The following REPS2 variants were observed in gnomAD, a reference collection of about 807,000 sequenced individuals.
The protein encoded by REPS2 is ralBP1-associated Eps domain-containing protein 2.
REPS2 carries 23 observed loss-of-function variants against 53.6 expected under a neutral mutation model. The ratio of observed to expected loss-of-function variants is 0.43; its 90% confidence interval spans 0.31 to 0.61. REPS2 has a LOEUF of 0.61. REPS2 is among the 20% of genes least tolerant of loss of function. The pLI is 0.11. For synonymous variants in REPS2, 238 were observed against 218.6 expected (o/e 1.09, Z -0.78); for missense variants, 446 against 534.9 (o/e 0.83, Z 1.64).
At position 17,042,009 on chromosome X, in the gene REPS2, C is replaced by G. The variant is rs770994885; in HGVS notation, c.772-5338C>G. 3.4e-3 allele frequency among the ~76,000 whole-genome samples: 378 copies of G among 111,877 alleles called. 1 individual carries two copies. Among genetic ancestry groups the G allele is most frequent in the African/African-American group, 0.012 (363 of 30,794 alleles). ...TCCCCAGAGATAATAACTTGCCATG[C>G]CAAATATTTGCATTTCACTTGAAAC... On this transcript the variant is annotated intron_variant, in intron 5 of 17. Transcript: ENST00000357277.
At chrX:17,007,211 C>T (rs1485099063) in intron 2 of REPS2, among the ~76,000 whole-genome samples, 1 of 112,084 alleles carries the variant, frequency 8.9e-6, no homozygotes, top group Non-Finnish European at 1.9e-5. Context: ...ATGGAAACCT[C>T]GTAGGACAAT....
intron 1 of REPS2, among the ~76,000 whole-genome samples, chrX:16,960,811 G>A (rs919965087): frequency 3.6e-5 from 4 of 111,815 alleles, no homozygotes; most frequent in East Asian, 2.8e-4. Context: ...CAAAATCAGC[G>A]TACAAAAATC....
At chrX:17,010,862 G>C (rs756286200) in intron 2 of REPS2, among the ~76,000 whole-genome samples, 1 of 111,508 alleles carries the variant, frequency 9.0e-6, no homozygotes, top group South Asian at 3.8e-4. Context: ...GTCGGCACTT[G>C]AGAACCACCT....
At chrX:17,019,914 A>G in intron 2 of REPS2, among the ~76,000 whole-genome samples, 1 of 112,630 alleles carries the variant, frequency 8.9e-6, no homozygotes, top group East Asian at 2.8e-4. Context: ...TTTAAGGGAA[A>G]TGGCACCTTC....
chrX:17,104,067 A>T (rs193238078), intron 14 of REPS2, among the ~76,000 whole-genome samples: 195 of 111,962 alleles, frequency 1.7e-3, no homozygotes, highest in Non-Finnish European at 3.3e-3. Flanking sequence ...GGGTAGAAGA[A>T]GGGGCCTCTC....
At chrX:17,037,976 T>C (rs1432187674) in intron 5 of REPS2, among the ~76,000 whole-genome samples, 1 of 111,888 alleles carries the variant, frequency 8.9e-6, no homozygotes, top group African/African-American at 3.3e-5. Context: ...GTCCCAGTGC[T>C]GTGCTGGCCC....
At chrX:17,115,620 A>G (rs984665269) in intron 14 of REPS2, among the ~76,000 whole-genome samples, 6 of 111,899 alleles carry the variant, frequency 5.4e-5, no homozygotes, top group South Asian at 3.8e-4. Context: ...ATTTCAGACT[A>G]TCACATGGGG....
intron 1 of REPS2, among the ~76,000 whole-genome samples, chrX:16,970,241 G>A (rs2060870583): frequency 9.3e-6 from 1 of 107,505 alleles, no homozygotes; most frequent in Non-Finnish European, 1.9e-5. Context: ...CTGTCACCCA[G>A]GCTGGAGTGC....
intron 13 of REPS2, among the ~76,000 whole-genome samples, chrX:17,084,603 A>T (rs975263599): frequency 8.9e-6 from 1 of 112,193 alleles, no homozygotes; most frequent in African/African-American, 3.2e-5. Context: ...CCTAGTGGGC[A>T]TGAAGTGGTA....
chrX:17,008,765 C>G (rs911891401), intron 2 of REPS2, among the ~76,000 whole-genome samples: 1 of 111,500 alleles, frequency 9.0e-6, no homozygotes, highest in African/African-American at 3.3e-5. Context: ...TCTGTGAGAA[C>G]CTAATCTGAA....
intron 1 of REPS2, among the ~76,000 whole-genome samples, chrX:16,952,286 T>C (rs917116783): frequency 8.9e-6 from 1 of 111,807 alleles, no homozygotes; most frequent in African/African-American, 3.3e-5. Flanking sequence ...GTCCATGTTT[T>C]CTCATTGTTC....
Position 16,990,689 on chromosome X carries a change from A to G in REPS2, c.274-15532A>G, listed in dbSNP as rs112448947. 5.4e-3 allele frequency among the ~76,000 whole-genome samples: 591 copies of G among 108,507 alleles called. 5 individuals are homozygous for G. Among genetic ancestry groups the G allele is most frequent in the African/African-American group, 0.019 (566 of 29,755 alleles). 94.2% of individuals were successfully genotyped at this position (108,507 alleles called of 115,157 possible). A position where few individuals can be genotyped will look rare whatever the true frequency, so the allele number is the denominator to read the frequency against. The stretch of plus-strand genomic sequence containing the variant: ...TTGACTGTGTCAATAGAGACACACA[A>G]TTATGTTGTGTGTCACAACCATAAT... On this transcript the variant is annotated intron_variant, in intron 1 of 17. Coordinates refer to ENST00000357277, the MANE Select transcript of REPS2 (RefSeq NM_004726.3).
At position 16,966,130 on chromosome X, in the gene REPS2, A is replaced by T. The variant is rs746878990; in HGVS notation, c.273+18996A>T. On this transcript the variant is annotated intron_variant, in intron 1 of 17. Coordinates refer to ENST00000357277, the MANE Select transcript of REPS2 (RefSeq NM_004726.3). ...AGAGGGAGAGGGAGACCGTGGGGAG[A>T]GGGAGAGGGCTGGGCAATTTCTTAG... 4.1e-4 allele frequency among the ~76,000 whole-genome samples: 46 copies of T among 111,811 alleles called. No individual in the cohort carries two copies. In the East Asian group the frequency reaches 0.012, roughly 28 times the overall value.
At chrX:17,191,348 C>T in the REPS2 span, among the ~76,000 whole-genome samples, 3 of 112,190 alleles carry the variant, frequency 2.7e-5, no homozygotes, top group Non-Finnish European at 5.6e-5. Flanking sequence ...AGCTCACCAT[C>T]ATTAGTCATT....
chrX:17,145,139 G>GT (rs2063496727), intron 17 of REPS2, among the ~76,000 whole-genome samples: 1 of 111,723 alleles, frequency 9.0e-6, no homozygotes, highest in Admixed American at 9.4e-5. Context: ...TGTCCCTTTT[G>GT]TTTTCCCTGT....
chrX:17,073,520 A>G lies in REPS2; in HGVS notation c.1334-594A>G, dbSNP rs537177299. Among the ~76,000 whole-genome samples, 50 of 111,997 alleles carry G rather than the reference A, an allele frequency of 4.5e-4. 1 individual carries two copies. In the South Asian group the frequency reaches 0.018, roughly 41 times the overall value. ...TGAGGAAAAGTCATATGGCTGGGAA[A>G]AGATTCAGCGATATTGTTCATAATT... On this transcript the variant is annotated intron_variant, in intron 11 of 17. Transcript: ENST00000357277.
At chrX:17,029,463 G>A in intron 4 of REPS2, 63 bp from the exon 5 acceptor site, 2 of 784,455 alleles carry the variant, frequency 2.5e-6, no homozygotes, top group Admixed American at 4.7e-5. Context: ...GTTTGAATGT[G>A]AAGTCATAAT....
intron 5 of REPS2, among the ~76,000 whole-genome samples, chrX:17,035,730 C>G (rs2061757225): frequency 9.0e-6 from 1 of 110,847 alleles, no homozygotes. Context: ...GCCACTCATC[C>G]CAGGGGCAAC....
rs867580747 is a variant in REPS2 at position 16,946,750 on chromosome X, T to C, written c.-112T>C. 3.0e-4 allele frequency: 206 copies of C among 698,229 alleles called. 1 individual carries two copies. Among genetic ancestry groups the C allele is most frequent in the African/African-American group, 1.6e-3 (47 of 29,568 alleles). The allele number at this position is 698,229 out of a possible 1,213,427, so 57.5% of individuals were successfully genotyped here. ...GTGGGGGTGGTGGTGGCGGCGGCGG[T>C]GGTGGCGGCGGCGGCGGCGGCGGCA... On this transcript the variant is annotated 5_prime_UTR_variant, in exon 1 of 18. Coordinates refer to ENST00000357277, the MANE Select transcript of REPS2 (RefSeq NM_004726.3).
Sources: allele counts gnomAD v4.1 joint callset (sites outside exome capture counted in the v4.1 genomes callset), GRCh38; gene constraint gnomAD v4.1.1; transcripts MANE v1.5; gene names NCBI Gene and HGNC (gene_info 2026-07-23, HGNC 2026-07-21).